Variants in GADL1 observed in about 807,000 individuals in gnomAD.
The protein encoded by GADL1 is acidic amino acid decarboxylase GADL1.
GADL1 carries 71 observed loss-of-function variants against 69.5 expected under a neutral mutation model. The observed-to-expected ratio is 1.02, with a 90% confidence interval of 0.84 to 1.25. GADL1 has a LOEUF of 1.25. Ranked by LOEUF, GADL1 falls within the 50% of genes most tolerant of loss-of-function variation. The probability of loss-of-function intolerance (pLI) is 0.00; values close to 1 mark genes in which losing one functional copy is unlikely to be tolerated. For synonymous variants in GADL1, 254 were observed against 214.4 expected, an observed-to-expected ratio of 1.18 and a Z score of -1.62; for missense variants, 737 against 631.8, an observed-to-expected ratio of 1.17 and a Z score of -1.79.
intron 1 of GADL1, among the ~76,000 whole-genome samples, chr3:30,889,084 T>TAAAAAAAA (rs60227313): frequency 0.021 from 691 of 32,900 alleles, 112 homozygotes; most frequent in Middle Eastern, 0.05. Context: ...CGGTAATCTA[T>TAAAAAAAA]AAAAAAAAAA....
chr3:30,875,067 T>G (rs1467465086), intron 1 of GADL1, among the ~76,000 whole-genome samples: 1 of 151,850 alleles, frequency 6.6e-6, no homozygotes, highest in Non-Finnish European at 1.5e-5. Context: ...AGACTTGTCT[T>G]CCTCATAAAG....
intron 11 of GADL1, among the ~76,000 whole-genome samples, chr3:30,815,592 G>A (rs1034296413): frequency 4.6e-5 from 7 of 152,150 alleles, no homozygotes; most frequent in Non-Finnish European, 8.8e-5. Flanking sequence ...AAAACCTATA[G>A]GCAAGAGTCT....
intron 1 of GADL1, among the ~76,000 whole-genome samples, chr3:30,874,961 C>G (rs1363925281): frequency 6.6e-6 from 1 of 151,898 alleles, no homozygotes; most frequent in East Asian, 1.9e-4. Context: ...ACTCACACAA[C>G]TGCATCCAAC....
chr3:30,822,241 G>C (rs1697594960), intron 11 of GADL1, among the ~76,000 whole-genome samples: 1 of 151,996 alleles, frequency 6.6e-6, no homozygotes, highest in African/African-American at 2.4e-5. Context: ...CATGTTTCTG[G>C]CAGTCACTGA....
chr3:30,803,116 T>G (rs1428558511), intron 11 of GADL1, among the ~76,000 whole-genome samples: 1 of 152,082 alleles, frequency 6.6e-6, no homozygotes, highest in African/African-American at 2.4e-5. Flanking sequence ...AAATAAATAT[T>G]AGTATGCCTT....
intron 14 of GADL1, among the ~76,000 whole-genome samples, chr3:30,759,845 C>G (rs1289660683): frequency 6.6e-6 from 1 of 152,116 alleles, no homozygotes; most frequent in African/African-American, 2.4e-5. Context: ...TTCACTATGG[C>G]CAAGCTAATG....
chr3:30,867,906 G>T (rs1449445249), intron 1 of GADL1, among the ~76,000 whole-genome samples: 1 of 152,016 alleles, frequency 6.6e-6, no homozygotes, highest in Non-Finnish European at 1.5e-5. Flanking sequence ...TTGAAATTAA[G>T]GGTTGTGGTT....
chr3:30,787,591 T>C (rs1395227020), intron 12 of GADL1, among the ~76,000 whole-genome samples: 1 of 152,118 alleles, frequency 6.6e-6, no homozygotes, highest in Non-Finnish European at 1.5e-5. Context: ...TTATATATAA[T>C]AGCAAAAAAT....
rs894355186 is a variant in GADL1 at position 30,777,901 on chromosome 3, G to T, written c.1392+278C>A. ...TCATTCATCACACAACTTTAACCTT[G>T]TGTCCCATGACCAGATGTCACTTCC... On this transcript the variant is annotated intron_variant, in intron 14 of 14. Transcript: ENST00000282538. Among the ~76,000 whole-genome samples, 2 of 152,190 alleles carry T rather than the reference G, an allele frequency of 1.3e-5. 1 individual carries two copies.
At chr3:30,759,370 A>AGT (rs1197397332) in intron 14 of GADL1, among the ~76,000 whole-genome samples, 1 of 152,192 alleles carries the variant, frequency 6.6e-6, no homozygotes, top group East Asian at 1.9e-4. Context: ...CTGTACCTCC[A>AGT]GTACTTGTTC....
chr3:30,744,331 T>C (rs992746438), intron 14 of GADL1, among the ~76,000 whole-genome samples: 8 of 152,294 alleles, frequency 5.3e-5, no homozygotes, highest in African/African-American at 1.9e-4. Context: ...TTCTAAGCTA[T>C]TATTCAAGGA....
chr3:30,800,066 A>G (rs1323344698), intron 12 of GADL1: 2 of 152,938 alleles, frequency 1.3e-5, no homozygotes, highest in African/African-American at 4.8e-5. Flanking sequence ...CCTGTTACCC[A>G]GTTCCAAAGT....
chr3:30,779,944 T>G (rs1300778802), intron 13 of GADL1, among the ~76,000 whole-genome samples: 1 of 152,080 alleles, frequency 6.6e-6, no homozygotes, highest in Non-Finnish European at 1.5e-5. Flanking sequence ...CTTTCATGGG[T>G]CTCCTACAGA....
At chr3:30,877,281 A>G (rs1490639061) in intron 1 of GADL1, among the ~76,000 whole-genome samples, 1 of 151,906 alleles carries the variant, frequency 6.6e-6, no homozygotes, top group Non-Finnish European at 1.5e-5. Context: ...TTGAACTAAC[A>G]CACATGAAAC....
intron 11 of GADL1, among the ~76,000 whole-genome samples, chr3:30,820,038 C>T (rs937683183): frequency 1.2e-4 from 18 of 151,718 alleles, no homozygotes; most frequent in African/African-American, 4.3e-4. Context: ...TAAAACTGCA[C>T]TCAAAATACT....
chr3:30,807,436 A>G (rs930227463), intron 11 of GADL1, among the ~76,000 whole-genome samples: 1 of 152,244 alleles, frequency 6.6e-6, no homozygotes, highest in African/African-American at 2.4e-5. Context: ...GAAGTTATCA[A>G]TGCTCTACAT....
chr3:30,792,282 A>T (rs929648682), intron 12 of GADL1, among the ~76,000 whole-genome samples: 1 of 152,180 alleles, frequency 6.6e-6, no homozygotes, highest in Admixed American at 6.6e-5. Flanking sequence ...TATGCTTAGA[A>T]GTACACTTGG....
At chr3:30,734,627 G>A (rs575513909) in intron 14 of GADL1, among the ~76,000 whole-genome samples, 1 of 152,266 alleles carries the variant, frequency 6.6e-6, no homozygotes, top group East Asian at 1.9e-4. Flanking sequence ...AAAAATTTTT[G>A]TGGTAATGGT....
At chr3:30,843,898 T>C (rs1288356214) in intron 8 of GADL1, among the ~76,000 whole-genome samples, 1 of 152,186 alleles carries the variant, frequency 6.6e-6, no homozygotes, top group African/African-American at 2.4e-5. Context: ...AGAGGCTGGA[T>C]TGATCCTTAG....
Sources: allele counts gnomAD v4.1 joint callset (sites outside exome capture counted in the v4.1 genomes callset), GRCh38; gene constraint gnomAD v4.1.1; transcripts MANE v1.5; gene names NCBI Gene and HGNC (gene_info 2026-07-23, HGNC 2026-07-21).